Variants in KRT8 observed in about 807,000 individuals in gnomAD.
KRT8 encodes keratin, type II cytoskeletal 8.
In KRT8, 24 loss-of-function variants were observed where a neutral mutation model predicts 43.0. The observed-to-expected ratio is 0.56, with a 90% confidence interval of 0.40 to 0.78. The LOEUF (loss-of-function observed/expected upper bound fraction) is 0.78. Among genes scored for constraint, KRT8 ranks in the 30% least tolerant of loss-of-function variants. The pLI is 0.00. For synonymous variants in KRT8, 214 were observed against 261.2 expected (o/e 0.82, Z 1.74); for missense variants, 492 against 638.4 (o/e 0.77, Z 2.47).
At chr12:52,924,437 A>C (rs1455499851) in intron 2 of KRT8, among the ~76,000 whole-genome samples, 1 of 145,044 alleles carries the variant, frequency 6.9e-6, no homozygotes, top group African/African-American at 2.5e-5. Context: ...CGACAGAGGG[A>C]GACTCCGTCT....
chr12:52,900,925 T>A, intron 3 of KRT8: 2 of 632,778 alleles, frequency 3.2e-6, no homozygotes, highest in Admixed American at 2.4e-5. Context: ...GAGCCAGATC[T>A]CCAGTTCTAC....
At chr12:52,935,828 A>G (rs1942161882) in intron 2 of KRT8, among the ~76,000 whole-genome samples, 1 of 152,168 alleles carries the variant, frequency 6.6e-6, no homozygotes, top group Non-Finnish European at 1.5e-5. Context: ...TTTTATCAAA[A>G]TTAAAACTTC....
intron 2 of KRT8, among the ~76,000 whole-genome samples, chr12:52,944,240 G>T (rs944759052): frequency 8.5e-5 from 13 of 152,132 alleles, no homozygotes; most frequent in African/African-American, 2.9e-4. Flanking sequence ...GCCAGCAGTG[G>T]GGAATATTGT....
At chr12:52,926,380 CTCCT>C in intron 2 of KRT8, 1 of 1,526,208 alleles carries the variant, frequency 6.6e-7, no homozygotes, top group Non-Finnish European at 8.8e-7. Flanking sequence ...CCTGAAGCAC[CTCCT>C]TGTCACCTGC....
intron 2 of KRT8, among the ~76,000 whole-genome samples, chr12:52,921,317 C>G (rs775785343): frequency 3.3e-5 from 5 of 152,186 alleles, no homozygotes; most frequent in African/African-American, 4.8e-5. Flanking sequence ...GCAACAGCAG[C>G]CTCCAGAACA....
intron 2 of KRT8, among the ~76,000 whole-genome samples, chr12:52,917,712 A>AAAAAAG (rs1555188204): frequency 3.1e-5 from 3 of 95,900 alleles, no homozygotes; most frequent in Non-Finnish European, 6.9e-5. Flanking sequence ...CTGTCTCAAA[A>AAAAAAG]AAAAAAAAAA....
chr12:52,929,960 C>T (rs1479631995), intron 2 of KRT8, among the ~76,000 whole-genome samples: 1 of 152,192 alleles, frequency 6.6e-6, no homozygotes, highest in East Asian at 1.9e-4. Flanking sequence ...CAATGCCATC[C>T]TCCAGGCCTC....
chr12:52,897,928 G>A (rs895060839), intron 7 of KRT8, among the ~76,000 whole-genome samples: 5 of 152,188 alleles, frequency 3.3e-5, no homozygotes, highest in Non-Finnish European at 5.9e-5. Flanking sequence ...TCTCATGCCT[G>A]TAATCCCAGC....
chr12:52,938,170 A>ATATATTTTTTTT (rs1555189967), intron 2 of KRT8, among the ~76,000 whole-genome samples: 15 of 30,304 alleles, frequency 4.9e-4, no homozygotes, highest in Non-Finnish European at 6.5e-4. Flanking sequence ...ATATATATAT[A>ATATATTTTTTTT]TTTTTTTTTT....
chr12:52,901,829 T>C, intron 2 of KRT8, 35 bp downstream of exon 2: 1 of 1,454,050 alleles, frequency 6.9e-7, no homozygotes, highest in Non-Finnish European at 9.7e-7. Context: ...GAGAGCACGG[T>C]GACTTCAGTT....
chr12:52,918,221 A>AAGAAGG (rs1565725805), intron 2 of KRT8, among the ~76,000 whole-genome samples: 6 of 135,790 alleles, frequency 4.4e-5, no homozygotes, highest in South Asian at 2.3e-4. Context: ...GAAGAAGAAG[A>AAGAAGG]AGAAGAAGAA....
At chr12:52,906,359 C>T (rs895582896), upstream of KRT8, among the ~76,000 whole-genome samples, 5 of 152,130 alleles carry the variant, frequency 3.3e-5, no homozygotes, top group African/African-American at 1.2e-4. Flanking sequence ...TGAGACAGGA[C>T]GGCAGGGGGT....
At chr12:52,935,638 T>A (rs1054335702) in intron 2 of KRT8, among the ~76,000 whole-genome samples, 3 of 151,088 alleles carry the variant, frequency 2.0e-5, no homozygotes, top group Non-Finnish European at 4.4e-5. Context: ...ATACAAAAAA[T>A]TTCATAATTT....
intron 2 of KRT8, among the ~76,000 whole-genome samples, chr12:52,918,327 A>G (rs1941818784): frequency 6.6e-6 from 1 of 152,108 alleles, no homozygotes; most frequent in Non-Finnish European, 1.5e-5. Flanking sequence ...AGGGGCCTCT[A>G]CTGTATCAGC....
intron 2 of KRT8, chr12:52,949,037 T>C (rs1942405548): frequency 6.1e-6 from 5 of 813,020 alleles, no homozygotes; most frequent in Non-Finnish European, 6.1e-6. Context: ...CGTCCACCTG[T>C]GGCTCCGGCT....
At chr12:52,915,155 T>C (rs1026998460) in intron 2 of KRT8, among the ~76,000 whole-genome samples, 1 of 151,454 alleles carries the variant, frequency 6.6e-6, no homozygotes, top group African/African-American at 2.4e-5. Context: ...GGGCGGATCA[T>C]GAGGTCAGGA....
chr12:52,897,651 A>T (rs775826532), intron 7 of KRT8, 33 bp from the exon 8 acceptor site: 1 of 1,597,726 alleles, frequency 6.3e-7, no homozygotes, highest in Middle Eastern at 2.2e-4. Flanking sequence ...ACATGAGTAC[A>T]GAAGCCCACC....
At chr12:52,899,702 C>A (rs757334872) in intron 5 of KRT8, 73 bp downstream of exon 5, 42 of 1,402,590 alleles carry the variant, frequency 3.0e-5, no homozygotes, top group Non-Finnish European at 4.1e-5. Context: ...CCAGAAACTT[C>A]ACTCTTCCTA....
intron 2 of KRT8, among the ~76,000 whole-genome samples, chr12:52,945,794 G>A (rs1942334353): frequency 1.3e-5 from 2 of 152,026 alleles, no homozygotes; most frequent in African/African-American, 2.4e-5. Context: ...TGTCTGTTCT[G>A]GGAGCTTCTC....
Sources: allele counts gnomAD v4.1 joint callset (sites outside exome capture counted in the v4.1 genomes callset), GRCh38; gene constraint gnomAD v4.1.1; transcripts MANE v1.5; gene names NCBI Gene and HGNC (gene_info 2026-07-23, HGNC 2026-07-21).